Variants in UNC13A observed in about 807,000 individuals in gnomAD.
UNC13A encodes protein unc-13 homolog A.
In UNC13A, 61 loss-of-function variants were observed where a neutral mutation model predicts 219.7. The observed-to-expected ratio is 0.28, with a 90% CI of 0.23 to 0.34. The LOEUF is 0.34. Among genes scored for constraint, UNC13A ranks in the 10% least tolerant of loss-of-function variants. The pLI is 1.00. For synonymous variants in UNC13A, 920 were observed against 884.6 expected (o/e 1.04, Z -0.71); for missense variants, 1,476 against 2,270.3 (o/e 0.65, Z 7.11).
At chr19:17,683,876 C>T (rs994427013) in intron 1 of UNC13A, among the ~76,000 whole-genome samples, 12 of 151,728 alleles carry the variant, frequency 7.9e-5, no homozygotes, top group African/African-American at 2.7e-4. Flanking sequence ...ATCACTTGAG[C>T]CCAGGAGTTC....
intron 5 of UNC13A, among the ~76,000 whole-genome samples, chr19:17,668,898 C>A (rs1450090518): frequency 6.6e-6 from 1 of 152,158 alleles, no homozygotes; most frequent in Non-Finnish European, 1.5e-5. Flanking sequence ...TGGGCTTGAG[C>A]CATCCTCTTG....
chr19:17,609,547 C>T lies in UNC13A; in HGVS notation c.4811+393G>A, dbSNP rs151314622. Among the ~76,000 whole-genome samples, 78 of 152,076 alleles carry T rather than the reference C, an allele frequency of 5.1e-4. No individual in the cohort carries two copies. In the East Asian group the frequency reaches 0.015, roughly 29 times the overall value. On this transcript the variant is annotated intron_variant, in intron 43 of 43. Transcript: ENST00000519716. ...TGCAACCTCAGTCCTGTCCCCAGGT[C>T]CCTCAGCCCCCCGCTCATAAGCGTC... is the stretch of plus-strand genomic sequence containing the variant.
chr19:17,670,724 C>T (rs1226245662), intron 4 of UNC13A, among the ~76,000 whole-genome samples: 2 of 151,702 alleles, frequency 1.3e-5, no homozygotes, highest in Non-Finnish European at 2.9e-5. Context: ...GCCAACATGG[C>T]GAAACCCCAT....
chr19:17,687,138 G>C (rs2145944163), intron 1 of UNC13A, among the ~76,000 whole-genome samples: 2 of 152,276 alleles, frequency 1.3e-5, no homozygotes, highest in South Asian at 4.2e-4. Context: ...TGCCCAGAAC[G>C]CCTGGGTTCG....
At chr19:17,666,881 CGAGAGAGAGA>C (rs10535025) in intron 6 of UNC13A, among the ~76,000 whole-genome samples, 177 bp from the exon 7 acceptor site, 4 of 115,178 alleles carry the variant, frequency 3.5e-5, no homozygotes, top group South Asian at 4.8e-4. Flanking sequence ...CACACACACA[CGAGAGAGAGA>C]GAGAGAGAGA....
At chr19:17,647,209 G>A in intron 17 of UNC13A, 56 bp downstream of exon 17, 1 of 1,484,308 alleles carries the variant, frequency 6.7e-7, no homozygotes, top group Non-Finnish European at 9.1e-7. Context: ...CAGGGCATGA[G>A]ACAGGTCTCA....
At chr19:17,671,310 G>C (rs947268943) in intron 4 of UNC13A, among the ~76,000 whole-genome samples, 1 of 152,160 alleles carries the variant, frequency 6.6e-6, no homozygotes, top group Non-Finnish European at 1.5e-5. Context: ...TAGAGTGTGG[G>C]GGGAGATGAG....
intron 41 of UNC13A, among the ~76,000 whole-genome samples, chr19:17,612,575 C>T (rs916486160): frequency 3.3e-5 from 5 of 152,136 alleles, no homozygotes; most frequent in South Asian, 2.1e-4. Context: ...CGGCAGGGCG[C>T]GGTGGCTCAC....
intron 41 of UNC13A, 67 bp downstream of exon 41, chr19:17,617,635 C>T (rs1282292792): frequency 9.5e-6 from 15 of 1,585,472 alleles, no homozygotes; most frequent in Middle Eastern, 1.7e-4. Flanking sequence ...CAATGGCAGC[C>T]GTTCAGGCTT....
intron 38 of UNC13A, among the ~76,000 whole-genome samples, chr19:17,619,531 G>T (rs1393473162): frequency 6.6e-6 from 1 of 151,610 alleles, no homozygotes; most frequent in Non-Finnish European, 1.5e-5. Flanking sequence ...AAACTCCTGG[G>T]CTCAAGCAAT....
intron 8 of UNC13A, among the ~76,000 whole-genome samples, chr19:17,661,627 G>A (rs1281252130): frequency 6.6e-6 from 1 of 152,084 alleles, no homozygotes; most frequent in African/African-American, 2.4e-5. Flanking sequence ...CCGGGAGGTG[G>A]AGGTTGCAGT....
At chr19:17,662,486 A>T (rs2079567624) in intron 8 of UNC13A, among the ~76,000 whole-genome samples, 1 of 152,146 alleles carries the variant, frequency 6.6e-6, no homozygotes, top group Non-Finnish European at 1.5e-5. Flanking sequence ...AATAATAATA[A>T]AAATAAAGTG....
chr19:17,684,890 A>G (rs1398404309), intron 1 of UNC13A, among the ~76,000 whole-genome samples: 5 of 152,176 alleles, frequency 3.3e-5, no homozygotes, highest in African/African-American at 1.2e-4. Flanking sequence ...TGTGGGTGAT[A>G]TGTTAGGTGG....
chr19:17,668,997 G>C (rs1029006369), intron 5 of UNC13A, among the ~76,000 whole-genome samples: 1 of 151,772 alleles, frequency 6.6e-6, no homozygotes, highest in African/African-American at 2.4e-5. Flanking sequence ...GATCTCACTA[G>C]ATGGCCCAGG....
chr19:17,618,845 C>T (rs1336536426), intron 39 of UNC13A, 61 bp downstream of exon 39: 4 of 1,573,110 alleles, frequency 2.5e-6, no homozygotes, highest in Non-Finnish European at 3.5e-6. Flanking sequence ...TGGTGGCAAC[C>T]TGGAAGCCAC....
chr19:17,637,546 C>T (rs1247983426), intron 25 of UNC13A, among the ~76,000 whole-genome samples: 3 of 152,192 alleles, frequency 2.0e-5, no homozygotes, highest in African/African-American at 7.2e-5. Context: ...GATCCACCCA[C>T]CTCGGCCTCT....
chr19:17,615,871 G>A (rs147732869), intron 41 of UNC13A, among the ~76,000 whole-genome samples: 2,332 of 152,272 alleles, frequency 0.015, 55 homozygotes, highest in African/African-American at 0.054. Context: ...CTCCTCGGGA[G>A]GCTGGGGCAG....
At chr19:17,610,125 C>T (rs747535117) in intron 42 of UNC13A, 26 bp from the exon 43 acceptor site, 18 of 1,613,186 alleles carry the variant, frequency 1.1e-5, no homozygotes, top group African/African-American at 1.3e-5. Context: ...GAGGGTAAGA[C>T]AGGTCAGGTT....
In UNC13A at chr19:17,603,368, A is replaced by G. The variant is rs1202038365; in HGVS notation, c.*2686T>C. 6.6e-6 allele frequency: 1 copy of G among 152,214 alleles called. No homozygotes were observed. The highest frequency in any genetic ancestry group is 1.9e-4 in the East Asian group (1 of 5,186). 9.4% of individuals were successfully genotyped at this position (152,214 alleles called of 1,614,324 possible). A position where few individuals can be genotyped will look rare whatever the true frequency, so the allele number is the denominator to read the frequency against. ...AGATCACCCTCACCCCAGGTCACAG[A>G]TCACTTCCCCTTTGGGCTCTATGGG... On this transcript the variant is annotated 3_prime_UTR_variant, in exon 44 of 44. Transcript: ENST00000519716.
Sources: allele counts gnomAD v4.1 joint callset (sites outside exome capture counted in the v4.1 genomes callset), GRCh38; gene constraint gnomAD v4.1.1; transcripts MANE v1.5; gene names NCBI Gene and HGNC (gene_info 2026-07-23, HGNC 2026-07-21).